AMD1: variants seen among roughly 807,000 people sequenced by gnomAD.
The protein encoded by AMD1 is adenosylmethionine decarboxylase 1, also known as S-adenosylmethionine decarboxylase proenzyme.
AMD1 carries 11 observed loss-of-function variants against 40.2 expected under a neutral mutation model. The ratio of observed to expected loss-of-function variants is 0.27; its 90% CI spans 0.17 to 0.45. The LOEUF is 0.45. AMD1 is among the 20% of genes least tolerant of loss of function. The pLI is 1.00. For synonymous variants in AMD1, 121 were observed against 130.8 expected (o/e 0.93, Z 0.51); for missense variants, 257 against 410.2 (o/e 0.63, Z 3.23).
At chr6:110,870,621 C>G (rs1583205304), upstream of AMD1, among the ~76,000 whole-genome samples, 1 of 152,086 alleles carries the variant, frequency 6.6e-6, no homozygotes, top group East Asian at 1.9e-4. Flanking sequence ...GAGACCCTGC[C>G]TCAAAACAAA....
chr6:110,857,594 GTA>G, the AMD1 span, among the ~76,000 whole-genome samples: 13,648 of 109,794 alleles, frequency 0.12, 1,277 homozygotes, highest in African/African-American at 0.29. Context: ...TATATAGATG[GTA>G]TATATATATA....
the AMD1 span, among the ~76,000 whole-genome samples, chr6:110,851,881 G>T: frequency 1.3e-5 from 2 of 152,056 alleles, no homozygotes; most frequent in Admixed American, 6.6e-5. Context: ...GAAAAATAAA[G>T]GATATCCTAG....
At chr6:110,892,038 C>A in intron 4 of AMD1, 123 bp from the exon 5 acceptor site, 1 of 1,182,554 alleles carries the variant, frequency 8.5e-7, no homozygotes, top group East Asian at 2.3e-5. Flanking sequence ...GCCCAGTCCA[C>A]TGATGGATGA....
Position 110,875,052 on chromosome 6 carries a change from G to C in AMD1, c.-54G>C. On this transcript the variant is annotated 5_prime_UTR_variant, in exon 1 of 9. Transcript: ENST00000368885. ...CGGCGGCGGCAGCGGCGGGAGAAGA[G>C]GTTTAATTTAGTTGATTTTCTGTGG... The C allele has an allele frequency of 7.0e-7, 1 of 1,422,532 alleles. No homozygotes were observed. The highest frequency in any genetic ancestry group is 9.7e-7 in the Non-Finnish European group (1 of 1,028,236). 88.1% of individuals were successfully genotyped at this position (1,422,532 alleles called of 1,614,324 possible). A position where few individuals can be genotyped will look rare whatever the true frequency, so the allele number is the denominator to read the frequency against.
chr6:110,877,933 C>T (rs911343881), intron 1 of AMD1, among the ~76,000 whole-genome samples: 1 of 151,968 alleles, frequency 6.6e-6, no homozygotes, highest in South Asian at 2.1e-4. Context: ...GCTTAAATGT[C>T]CAAAGAGAGC....
chr6:110,825,282 C>T, the AMD1 span, among the ~76,000 whole-genome samples: 1 of 152,166 alleles, frequency 6.6e-6, no homozygotes, highest in Non-Finnish European at 1.5e-5. Flanking sequence ...TTTCTCTTAA[C>T]ATCTTATTGT....
the AMD1 span, among the ~76,000 whole-genome samples, chr6:110,837,485 T>G: frequency 6.6e-6 from 1 of 151,058 alleles, no homozygotes; most frequent in South Asian, 2.1e-4. Flanking sequence ...CCGAGGCAGA[T>G]GGATCACCTG....
At chr6:110,853,176 G>A in the AMD1 span, among the ~76,000 whole-genome samples, 4 of 151,332 alleles carry the variant, frequency 2.6e-5, no homozygotes, top group Admixed American at 6.6e-5. Flanking sequence ...CGGCTGGAGC[G>A]CAGTGGTGTC....
chr6:110,871,511 A>C (rs150248877), upstream of AMD1, among the ~76,000 whole-genome samples: 1 of 152,224 alleles, frequency 6.6e-6, no homozygotes, highest in Non-Finnish European at 1.5e-5. Context: ...AATGCAGGAA[A>C]GAGTGGAATC....
At chr6:110,848,525 A>C in the AMD1 span, 72 of 305,482 alleles carry the variant, frequency 2.4e-4, no homozygotes, top group African/African-American at 1.4e-3. Context: ...TGTTAGCAAA[A>C]AACAACAACA....
At chr6:110,891,980 C>G in intron 4 of AMD1, 181 bp from the exon 5 acceptor site, 1 of 705,868 alleles carries the variant, frequency 1.4e-6, no homozygotes, top group Non-Finnish European at 2.4e-6. Context: ...TCAAGCCCAC[C>G]TCTGCCTCCC....
At chr6:110,849,905 G>C in the AMD1 span, among the ~76,000 whole-genome samples, 4 of 151,912 alleles carry the variant, frequency 2.6e-5, no homozygotes, top group African/African-American at 9.7e-5. Flanking sequence ...TGTAGTCCCA[G>C]CTACTTGGGA....
At chr6:110,841,947 T>G in the AMD1 span, among the ~76,000 whole-genome samples, 13 of 151,978 alleles carry the variant, frequency 8.6e-5, no homozygotes, top group African/African-American at 3.1e-4. Flanking sequence ...GGACTACAGG[T>G]GTGCACCACC....
chr6:110,885,606 C>T (rs1785637615), intron 1 of AMD1, among the ~76,000 whole-genome samples: 1 of 152,076 alleles, frequency 6.6e-6, no homozygotes, highest in African/African-American at 2.4e-5. Context: ...GGGGTAATTT[C>T]AAGGGTTGTC....
chr6:110,874,033 C>T (rs1317892347), upstream of AMD1, among the ~76,000 whole-genome samples: 3 of 152,214 alleles, frequency 2.0e-5, no homozygotes, highest in African/African-American at 4.8e-5. Flanking sequence ...CAGTGCTTCC[C>T]GGAGGCTGCT....
the AMD1 span, among the ~76,000 whole-genome samples, chr6:110,854,505 GTGGTACGATCT>G: frequency 6.6e-6 from 1 of 151,892 alleles, no homozygotes; most frequent in South Asian, 2.1e-4. Flanking sequence ...CTGGAGTGCA[GTGGTACGATCT>G]TGGCTCACTG....
chr6:110,868,250 C>G, the AMD1 span, among the ~76,000 whole-genome samples: 1 of 151,972 alleles, frequency 6.6e-6, no homozygotes, highest in Admixed American at 6.6e-5. Flanking sequence ...CGGGTTCATG[C>G]CATTCTTCTG....
the AMD1 span, among the ~76,000 whole-genome samples, chr6:110,831,683 A>C: frequency 6.6e-6 from 1 of 152,096 alleles, no homozygotes; most frequent in Non-Finnish European, 1.5e-5. Context: ...TGAGGAGCCA[A>C]TGTTTGCATT....
chr6:110,817,138 A>G, the AMD1 span, among the ~76,000 whole-genome samples: 100 of 152,346 alleles, frequency 6.6e-4, no homozygotes, highest in East Asian at 0.011. Context: ...AGGATAGGAC[A>G]TAACACATTC....
Sources: gnomAD v4.1 joint callset for allele counts (sites outside exome capture counted in the v4.1 genomes callset) on GRCh38, gnomAD v4.1.1 for gene constraint, MANE v1.5 for transcripts, NCBI Gene and HGNC (gene_info 2026-07-23, HGNC 2026-07-21) for gene names.